The following SLC7A14 variants were observed in gnomAD, a reference collection of about 807,000 sequenced individuals.
SLC7A14 encodes solute carrier family 7 member 14, also known as gamma-aminobutyric acid transporter SLC7A14.
A neutral mutation model predicts 60.2 loss-of-function variants in SLC7A14; 37 were observed. That is an observed-to-expected ratio of 0.61 (90% CI 0.47 to 0.81). The LOEUF (loss-of-function observed/expected upper bound fraction) is 0.81, where lower values mean the gene tolerates loss of function less well. SLC7A14 is among the 30% of genes least tolerant of loss of function. The pLI, the probability that SLC7A14 is intolerant of heterozygous loss-of-function variation, is 0.00. For missense variants in SLC7A14, 886 were observed against 982.7 expected (o/e 0.90, Z 1.32); for synonymous variants, 399 against 395.8 (o/e 1.01, Z -0.10).
At chr3:170,502,084 T>C (rs185329409) in intron 2 of SLC7A14, among the ~76,000 whole-genome samples, 74 of 152,242 alleles carry the variant, frequency 4.9e-4, no homozygotes, top group Non-Finnish European at 9.0e-4. Flanking sequence ...ACTTAGAGGG[T>C]TTTGAGGCAT....
chr3:170,556,175 G>A (rs1391958592), intron 1 of SLC7A14, among the ~76,000 whole-genome samples: 3 of 152,152 alleles, frequency 2.0e-5, no homozygotes, highest in East Asian at 1.9e-4. Context: ...TTTGCAATGA[G>A]ATGCTATGGT....
chr3:170,536,733 G>C (rs955868978), intron 1 of SLC7A14, among the ~76,000 whole-genome samples: 1 of 152,148 alleles, frequency 6.6e-6, no homozygotes, highest in Non-Finnish European at 1.5e-5. Flanking sequence ...AATGTTGATA[G>C]GGACTTTTTA....
At chr3:170,528,168 G>A (rs1463434418) in intron 1 of SLC7A14, among the ~76,000 whole-genome samples, 1 of 152,106 alleles carries the variant, frequency 6.6e-6, no homozygotes, top group Non-Finnish European at 1.5e-5. Context: ...GAAATATGTT[G>A]TATATAGGTA....
chr3:170,546,823 T>C (rs924772598), intron 1 of SLC7A14, among the ~76,000 whole-genome samples: 1 of 152,148 alleles, frequency 6.6e-6, no homozygotes, highest in Non-Finnish European at 1.5e-5. Context: ...GAATTGGTAT[T>C]GTTGGTGAGA....
At chr3:170,517,195 G>A (rs1713187126) in intron 2 of SLC7A14, among the ~76,000 whole-genome samples, 1 of 152,168 alleles carries the variant, frequency 6.6e-6, no homozygotes, top group Admixed American at 6.5e-5. Context: ...TTTATCATGT[G>A]CTTGCTAAAT....
intron 1 of SLC7A14, among the ~76,000 whole-genome samples, chr3:170,529,992 T>C (rs73163877): frequency 0.07 from 10,720 of 152,228 alleles, 1,090 homozygotes; most frequent in African/African-American, 0.22. Flanking sequence ...AGTCTTGGAT[T>C]TCTAGACTCC....
At chr3:170,494,567 G>A (rs1470136502) in intron 4 of SLC7A14, among the ~76,000 whole-genome samples, 1 of 152,180 alleles carries the variant, frequency 6.6e-6, no homozygotes, top group East Asian at 1.9e-4. Flanking sequence ...CTTCAGGATG[G>A]GTAAAGAACA....
chr3:170,545,211 A>T (rs1714141121), intron 1 of SLC7A14, among the ~76,000 whole-genome samples: 1 of 152,214 alleles, frequency 6.6e-6, no homozygotes, highest in African/African-American at 2.4e-5. Flanking sequence ...TGGAGAATTT[A>T]TCCAAGTCTC....
chr3:170,565,078 C>T (rs996976805), intron 1 of SLC7A14, among the ~76,000 whole-genome samples: 2 of 152,130 alleles, frequency 1.3e-5, no homozygotes, highest in Non-Finnish European at 2.9e-5. Flanking sequence ...ATTCTGTGTT[C>T]TGCCCTTACT....
At chr3:170,496,414 G>C in intron 4 of SLC7A14, 1 of 1,363,204 alleles carries the variant, frequency 7.3e-7, no homozygotes, top group Non-Finnish European at 1.0e-6. Flanking sequence ...AAAGGCCAGA[G>C]GGCTTCCCTG....
intron 1 of SLC7A14, among the ~76,000 whole-genome samples, chr3:170,527,415 T>A (rs946586396): frequency 6.6e-6 from 1 of 152,188 alleles, no homozygotes; most frequent in Non-Finnish European, 1.5e-5. Context: ...TCTCCTAGTG[T>A]TGATGTGAAG....
chr3:170,535,421 G>A lies in SLC7A14; in HGVS notation c.-152-8333C>T, dbSNP rs1713809420. 6.6e-6 allele frequency among the ~76,000 whole-genome samples: 1 copy of A among 152,028 alleles called. No homozygotes were observed. The highest frequency in any genetic ancestry group is 1.5e-5 in the Non-Finnish European group (1 of 68,006). On this transcript the variant is annotated intron_variant, in intron 1 of 7. Transcript: ENST00000231706. This position sits in a 1 kb window ranked among gnomAD's most constrained non-coding sequence, Gnocchi z 4.3. ...TTGCAAAAGTATTTAATGAGTTCCC[G>A]GTGTGTGTTTAGTTCAATGGTAGCT...
intron 1 of SLC7A14, among the ~76,000 whole-genome samples, chr3:170,543,752 T>TTTC (rs1491184563): frequency 1.7e-4 from 21 of 124,614 alleles, no homozygotes; most frequent in African/African-American, 8.1e-4. Flanking sequence ...TCTTTCTTTC[T>TTTC]TTTTTTTTTT....
intron 2 of SLC7A14, among the ~76,000 whole-genome samples, chr3:170,516,686 G>C (rs1015317749): frequency 1.3e-5 from 2 of 152,080 alleles, no homozygotes; most frequent in East Asian, 3.9e-4. Flanking sequence ...AGGATCACTC[G>C]GGCCCAGGAG....
At chr3:170,522,168 G>A (rs114980119) in intron 2 of SLC7A14, among the ~76,000 whole-genome samples, 61 of 152,242 alleles carry the variant, frequency 4.0e-4, no homozygotes, top group African/African-American at 1.3e-3. Flanking sequence ...GCAAAGAACT[G>A]GAACTTTCAC....
intron 4 of SLC7A14, chr3:170,496,454 T>A: frequency 3.1e-6 from 4 of 1,275,826 alleles, no homozygotes; most frequent in Non-Finnish European, 4.6e-6. Flanking sequence ...CCGAGCAGCG[T>A]GGGGAGCTGG....
intron 2 of SLC7A14, among the ~76,000 whole-genome samples, chr3:170,519,767 C>T (rs866318357): frequency 6.6e-6 from 1 of 152,178 alleles, no homozygotes; most frequent in Non-Finnish European, 1.5e-5. Context: ...CGGAGCAAGA[C>T]TCTATCTCAA....
intron 7 of SLC7A14, among the ~76,000 whole-genome samples, chr3:170,473,443 G>A (rs1432731235): frequency 6.6e-6 from 1 of 152,182 alleles, no homozygotes; most frequent in Admixed American, 6.5e-5. Flanking sequence ...ACTTAGAACC[G>A]AGAGAGGTGG....
intron 1 of SLC7A14, among the ~76,000 whole-genome samples, chr3:170,562,781 G>A (rs1714689665): frequency 1.3e-5 from 2 of 152,042 alleles, no homozygotes; most frequent in Admixed American, 6.6e-5. Flanking sequence ...TTTTGAGACA[G>A]AGCCTTGCTC....
Sources: allele counts gnomAD v4.1 joint callset (sites outside exome capture counted in the v4.1 genomes callset), GRCh38; gene constraint gnomAD v4.1.1; non-coding constraint Gnocchi (gnomAD v3.1); transcripts MANE v1.5; gene names NCBI Gene and HGNC (gene_info 2026-07-23, HGNC 2026-07-21).